Variants in BUD23 observed in about 807,000 individuals in gnomAD.
BUD23 encodes BUD23 rRNA methyltransferase and ribosome maturation factor, also known as 18S rRNA (guanine-N(7))-methyltransferase.
In BUD23, 34 loss-of-function variants were observed where a neutral mutation model predicts 47.0. The observed-to-expected ratio is 0.72, with a 90% CI of 0.55 to 0.96. The LOEUF (loss-of-function observed/expected upper bound fraction) is 0.96, where lower values mean the gene tolerates loss of function less well. BUD23 is among the 40% of genes least tolerant of loss of function. BUD23 has a pLI of 0.00. For synonymous variants in BUD23, 124 were observed against 132.0 expected (o/e 0.94, Z 0.41); for missense variants, 343 against 361.2 (o/e 0.95, Z 0.41).
At chr7:73,697,365 C>G in intron 10 of BUD23, 1 of 1,433,716 alleles carries the variant, frequency 7.0e-7, no homozygotes, top group Non-Finnish European at 9.4e-7. Flanking sequence ...GGTCTCCATG[C>G]CCGGCCCAGC....
chr7:73,683,810 G>A lies in BUD23; in HGVS notation c.86+6G>A. On this transcript the variant is annotated splice_donor_region_variant and intron_variant, in intron 2 of 11. Coordinates refer to ENST00000265758, the MANE Select transcript of BUD23 (RefSeq NM_017528.5). ...GCCCGGAAATACGTTCGCAAGTGAG[G>A]GGAGCCTGAATACTGCGGGGCGTCC... The A allele has an allele frequency of 1.9e-6, 3 of 1,614,206 alleles. No individual in the cohort carries two copies. Among genetic ancestry groups the A allele is most frequent in the African/African-American group, 1.3e-5 (1 of 75,034 alleles).
chr7:73,685,363 C>T (rs1797923239), intron 2 of BUD23, among the ~76,000 whole-genome samples: 2 of 152,200 alleles, frequency 1.3e-5, no homozygotes, highest in African/African-American at 4.8e-5. Flanking sequence ...AGTGCCATGG[C>T]ATGATCCCTG....
At chr7:73,696,718 T>G (rs1798416190) in intron 10 of BUD23, 1 of 152,258 alleles carries the variant, frequency 6.6e-6, no homozygotes, top group South Asian at 2.1e-4. Context: ...GTTTTTTAAG[T>G]CTTTACCTAA....
rs782784211 is a variant in BUD23, at chr7:73,683,638, G to C, written c.13G>C (p.Gly5Arg). The change falls in exon 1 of 12, where the codon GGC becomes CGC. Residue 5 changes from glycine (G) to arginine (R), a missense_variant. Transcript: ENST00000265758. The part of the protein sequence containing the change: MASR[G>R]RRPEHGGPPE... ...CTGAGGCGTGAGAATGGCGTCCCGC[G>C]GCCGGCGTCCGGAGCATGGCGGACC... is the stretch of plus-strand genomic sequence containing the variant. 4 of 1,611,490 alleles carry C rather than the reference G, an allele frequency of 2.5e-6. No individual in the cohort carries two copies. Among genetic ancestry groups the C allele is most frequent in the Non-Finnish European group, 2.5e-6 (3 of 1,179,270 alleles).
rs1554613957 is a variant in BUD23 at position 73,691,023 on chromosome 7, G to T, written c.459+11G>T. The T allele has an allele frequency of 6.2e-7, 1 of 1,612,772 alleles. No individual in the cohort carries two copies. On this transcript the variant is annotated intron_variant, in intron 6 of 11. Coordinates refer to ENST00000265758, the MANE Select transcript of BUD23 (RefSeq NM_017528.5). ...CTTTTTTCTGTTCTCGTGAGTATAA[G>T]ATCTTCTCCCCATCTGGGTTAGCTG... is the stretch of plus-strand genomic sequence containing the variant.
chr7:73,694,331 G>A, intron 10 of BUD23: 2 of 379,622 alleles, frequency 5.3e-6, no homozygotes, highest in South Asian at 4.6e-5. Context: ...CTTCTTTTCT[G>A]ATGCTGCCCT....
chr7:73,693,204 C>T (rs766239155), intron 7 of BUD23, 125 bp from the exon 8 acceptor site: 18 of 872,244 alleles, frequency 2.1e-5, no homozygotes, highest in Admixed American at 1.0e-4. Context: ...TGGCTTACAG[C>T]GACCTTAAGT....
At chr7:73,690,553 C>T (rs1453072369) in intron 5 of BUD23, among the ~76,000 whole-genome samples, 1 of 152,204 alleles carries the variant, frequency 6.6e-6, no homozygotes, top group Non-Finnish European at 1.5e-5. Context: ...GACATAAATG[C>T]TGTCCTTCTG....
chr7:73,686,296 T>A (rs1797964358), intron 2 of BUD23, among the ~76,000 whole-genome samples: 1 of 152,222 alleles, frequency 6.6e-6, no homozygotes, highest in Non-Finnish European at 1.5e-5. Flanking sequence ...TTTCAACAAG[T>A]GCTAGAGCAG....
intron 5 of BUD23, among the ~76,000 whole-genome samples, chr7:73,689,546 A>C (rs538733003): frequency 5.3e-5 from 8 of 152,216 alleles, no homozygotes; most frequent in African/African-American, 1.9e-4. Flanking sequence ...AGCACAGGAA[A>C]GCCTTGGGTG....
rs145300786 is a variant in BUD23, at chr7:73,690,957, C to G, written c.404C>G (p.Ser135Cys). 7.0e-5 allele frequency: 113 copies of G among 1,614,178 alleles called. No individual in the cohort carries two copies. Among genetic ancestry groups the G allele is most frequent in the Middle Eastern group, 1.6e-4 (1 of 6,062 alleles). ...VQWLCNANKK[S>C]ENPAKRLYCF... ...TGGCTCTGTAATGCTAACAAGAAGTCTGAAAACCCTGCCAAGCGCCTGTAC... is the reference window on the plus strand; with the variant it reads ...TGGCTCTGTAATGCTAACAAGAAGTGTGAAAACCCTGCCAAGCGCCTGTAC... The change falls in exon 6 of 12, where the codon TCT becomes TGT. Residue 135 changes from serine (S) to cysteine (C), a missense_variant. Transcript: ENST00000265758.
intron 11 of BUD23, 47 bp downstream of exon 11, chr7:73,697,741 C>T (rs1468286978): frequency 6.2e-7 from 1 of 1,610,702 alleles, no homozygotes; most frequent in Non-Finnish European, 8.5e-7. Flanking sequence ...GGGTGGATGA[C>T]TATTGCCATG....
intron 8 of BUD23, 47 bp from the exon 9 acceptor site, chr7:73,693,577 G>A (rs147323153): frequency 0.015 from 23,884 of 1,613,138 alleles, 242 homozygotes; most frequent in Middle Eastern, 0.034. Flanking sequence ...TTGTCTCCCT[G>A]TGGGGCTTTC....
rs1283590123 is a variant in BUD23 at position 73,693,656 on chromosome 7, C to T, written c.629C>T (p.Thr210Ile). The T allele has an allele frequency of 1.9e-5, 31 of 1,614,068 alleles. No individual in the cohort carries two copies. In the Admixed American group the frequency reaches 4.5e-4, roughly 23 times the overall value. Residue 210 changes from threonine to isoleucine, a missense_variant, in exon 9 of 12, where the codon ACC becomes ATC. Transcript: ENST00000265758. ...CTCTGCTTGTTTTCTGGGCCTTCGA[C>T]CTTTATACCAGAGGTGAGGGACACT... ...FYLCLFSGPS[T>I]FIPEGLSENQ...
At chr7:73,690,886 C>T (rs782382541) in intron 5 of BUD23, 30 bp from the exon 6 acceptor site, 12 of 1,596,578 alleles carry the variant, frequency 7.5e-6, no homozygotes, top group Non-Finnish European at 1.0e-5. Context: ...TGGATTGCTC[C>T]GTTGCCTGAC....
Position 73,683,629 on chromosome 7 carries a change from G to T in BUD23, c.4G>T (p.Ala2Ser). 6.2e-7 allele frequency: 1 copy of T among 1,609,834 alleles called. No homozygotes were observed. The highest frequency in any genetic ancestry group is 8.5e-7 in the Non-Finnish European group (1 of 1,178,512). The change falls in exon 1 of 12, where the codon GCG (alanine) becomes TCG (serine). Residue 2 changes from alanine (A) to serine (S), a missense_variant. Coordinates refer to ENST00000265758, the MANE Select transcript of BUD23 (RefSeq NM_017528.5). Reference sequence around the variant, plus strand: ...GGTGTGCTGCTGAGGCGTGAGAATGGCGTCCCGCGGCCGGCGTCCGGAGCA... The same window carrying T: ...GGTGTGCTGCTGAGGCGTGAGAATGTCGTCCCGCGGCCGGCGTCCGGAGCA... M[A>S]SRGRRPEHGG...
At chr7:73,683,725 G>C (rs782725768) in intron 1 of BUD23, 42 bp from the exon 2 acceptor site, 1 of 1,614,040 alleles carries the variant, frequency 6.2e-7, no homozygotes, top group East Asian at 2.2e-5. Context: ...CGGCCACCGC[G>C]TCTGAATTAT....
At chr7:73,694,413 CTCCTG>C in intron 10 of BUD23, 1 of 217,554 alleles carries the variant, frequency 4.6e-6, no homozygotes, top group Non-Finnish European at 9.0e-6. Flanking sequence ...CATCTTGACT[CTCCTG>C]GGTCACTGCT....
At chr7:73,690,612 G>A (rs1554613843) in intron 5 of BUD23, among the ~76,000 whole-genome samples, 2 of 152,138 alleles carry the variant, frequency 1.3e-5, no homozygotes, top group Non-Finnish European at 2.9e-5. Context: ...CAGTGGACCT[G>A]CACTTTTTTT....
Sources: gnomAD v4.1 joint callset for allele counts (sites outside exome capture counted in the v4.1 genomes callset) on GRCh38, gnomAD v4.1.1 for gene constraint, MANE v1.5 for transcripts, NCBI Gene and HGNC (gene_info 2026-07-23, HGNC 2026-07-21) for gene names.